Variants in MYL4 observed in about 807,000 individuals in gnomAD.
MYL4 encodes atrial myosin light chain 1.
Under a neutral mutation model 21.6 loss-of-function variants are expected in MYL4, and 16 were observed. The observed-to-expected ratio is 0.74, with a 90% CI of 0.50 to 1.12. MYL4 has a LOEUF of 1.12. Ranked by LOEUF, MYL4 falls within the 50% of genes most tolerant of loss-of-function variation. MYL4 has a pLI of 0.00. For synonymous variants in MYL4, 82 were observed against 95.7 expected (o/e 0.86, Z 0.83); for missense variants, 249 against 252.9 (o/e 0.98, Z 0.11).
chr17:47,215,450 T>C (rs1291626699), intron 2 of MYL4, among the ~76,000 whole-genome samples: 1 of 152,236 alleles, frequency 6.6e-6, no homozygotes, highest in Non-Finnish European at 1.5e-5. Context: ...TTGTTTTTCC[T>C]TTAATTTTAC....
intron 6 of MYL4, chr17:47,223,305 C>T (rs2064870403): frequency 4.0e-6 from 2 of 497,874 alleles, no homozygotes; most frequent in South Asian, 3.2e-5. Context: ...AGGCAATGCC[C>T]TTCCCTCAGG....
intron 4 of MYL4, 23 bp downstream of exon 4, chr17:47,221,878 A>G (rs2064859013): frequency 6.2e-7 from 1 of 1,605,804 alleles, no homozygotes; most frequent in Admixed American, 1.7e-5. Flanking sequence ...GGCAGAGATG[A>G]AGACCAAGTG....
intron 2 of MYL4, among the ~76,000 whole-genome samples, chr17:47,216,495 T>C (rs1347312562): frequency 1.3e-5 from 2 of 152,112 alleles, no homozygotes; most frequent in Non-Finnish European, 2.9e-5. Flanking sequence ...ATAAGTCATA[T>C]CTACATTGGC....
At chr17:47,216,778 T>TC (rs1245645511) in intron 2 of MYL4, among the ~76,000 whole-genome samples, 2 of 151,000 alleles carry the variant, frequency 1.3e-5, no homozygotes, top group Non-Finnish European at 2.9e-5. Context: ...CACCGCAACC[T>TC]CCGCCTCCCG....
chr17:47,221,612 C>T (rs2064856111), intron 3 of MYL4, 70 bp from the exon 4 acceptor site: 1 of 1,540,112 alleles, frequency 6.5e-7, no homozygotes, highest in Admixed American at 1.8e-5. Flanking sequence ...GTGAGGCCCC[C>T]TCTTGACCCT....
chr17:47,191,780 T>C, the MYL4 span, among the ~76,000 whole-genome samples: 3 of 152,198 alleles, frequency 2.0e-5, no homozygotes, highest in Admixed American at 6.5e-5. Flanking sequence ...GTATTTACAT[T>C]TTTTAGCAGT....
chr17:47,199,788 A>G (rs2064703240), upstream of MYL4, among the ~76,000 whole-genome samples: 1 of 145,614 alleles, frequency 6.9e-6, no homozygotes, highest in African/African-American at 2.6e-5. Context: ...CGCGCTGTAA[A>G]GCAGTGGCGC....
chr17:47,219,942 A>G lies in MYL4; in HGVS notation c.202A>G (p.Thr68Ala), dbSNP rs960586583. Residue 68 changes from threonine to alanine, a missense_variant, in exon 3 of 7, where the codon ACT becomes GCT. Physicochemically the swap from Thr to Ala is moderately conservative, Grantham distance 58 (BLOSUM62 0). Transcript: ENST00000393450. ...EAFSLFDRTP[T>A]GEMKITYGQC... ...CTTTTCATTGTTTGACCGGACCCCG[A>G]CTGGAGAGATGAAGATCACCTACGG... is the stretch of plus-strand genomic sequence containing the variant. 5 of 1,614,034 alleles carry G rather than the reference A, an allele frequency of 3.1e-6. No homozygotes were observed. Among genetic ancestry groups the G allele is most frequent in the Non-Finnish European group, 4.2e-6 (5 of 1,180,032 alleles).
At chr17:47,193,610 C>T in the MYL4 span, among the ~76,000 whole-genome samples, 4 of 152,158 alleles carry the variant, frequency 2.6e-5, no homozygotes, top group South Asian at 2.1e-4. Context: ...AGCTCCTCTG[C>T]CAGCCCCTTT....
intron 5 of MYL4, 29 bp from the exon 6 acceptor site, chr17:47,222,985 A>G (rs2064867922): frequency 1.9e-6 from 3 of 1,614,026 alleles, no homozygotes; most frequent in Non-Finnish European, 2.5e-6. Flanking sequence ...GCTGAGCCAC[A>G]TGGTGGCTGA....
chr17:47,202,968 TATAGAC>T (rs1156614930), intron 1 of MYL4, among the ~76,000 whole-genome samples: 1 of 152,204 alleles, frequency 6.6e-6, no homozygotes, highest in Non-Finnish European at 1.5e-5. Context: ...TTTATTTACT[TATAGAC>T]AGAGTCTCAT....
chr17:47,218,041 C>CAAAA (rs1200148257), intron 2 of MYL4, among the ~76,000 whole-genome samples: 2 of 61,906 alleles, frequency 3.2e-5, no homozygotes, highest in Admixed American at 1.8e-4. Flanking sequence ...AACTCCATCT[C>CAAAA]AAAAAAAAAA....
At chr17:47,192,408 A>G in the MYL4 span, among the ~76,000 whole-genome samples, 29 of 151,720 alleles carry the variant, frequency 1.9e-4, no homozygotes, top group African/African-American at 6.8e-4. Context: ...CCAGCACTTT[A>G]GGAGGCCAAG....
upstream of MYL4, among the ~76,000 whole-genome samples, chr17:47,204,591 G>A (rs545296582): frequency 6.6e-6 from 1 of 152,158 alleles, no homozygotes; most frequent in Non-Finnish European, 1.5e-5. Flanking sequence ...AAGTAGCCAG[G>A]TGTGGTAGGG....
At position 47,213,781 on chromosome 17, in the gene MYL4, C is replaced by A; in HGVS notation, c.136-18C>A. 6.2e-7 allele frequency: 1 copy of A among 1,613,994 alleles called. No individual in the cohort carries two copies. ...CTTTTAGCAATCCAAGCCCTCACTA[C>A]TATTTCCCTCCCTACAGATAGACTT... On this transcript the variant is annotated intron_variant, in intron 1 of 6. Coordinates refer to ENST00000393450, the MANE Select transcript of MYL4 (RefSeq NM_002476.2).
the MYL4 span, among the ~76,000 whole-genome samples, chr17:47,194,656 T>A: frequency 6.6e-6 from 1 of 151,970 alleles, no homozygotes; most frequent in Non-Finnish European, 1.5e-5. Flanking sequence ...CTCCCTGTCT[T>A]CCCCCACCCC....
In MYL4 at chr17:47,220,029, G is replaced by A. The variant is rs1266796710; in HGVS notation, c.289G>A (p.Val97Met). Reference sequence around the variant, plus strand: ...CCCTACCAATGCCGAGGTGCTGCGTGTGCTGGGCAAGCCCAAGCCTGAAGG... The same window carrying A: ...CCCTACCAATGCCGAGGTGCTGCGTATGCTGGGCAAGCCCAAGCCTGAAGG... The part of the protein sequence containing the change: ...QNPTNAEVLR[V>M]LGKPKPEEMN... The change falls in exon 3 of 7, where the codon GTG becomes ATG. Residue 97 changes from valine (V) to methionine (M), a missense_variant. Transcript: ENST00000393450. 1 of 1,613,946 alleles carries A rather than the reference G, an allele frequency of 6.2e-7. No homozygotes were observed. The highest frequency in any genetic ancestry group is 1.7e-5 in the Admixed American group (1 of 60,012).
At chr17:47,191,806 G>A in the MYL4 span, among the ~76,000 whole-genome samples, 1 of 152,120 alleles carries the variant, frequency 6.6e-6, no homozygotes, top group African/African-American at 2.4e-5. Flanking sequence ...GACACTGTTT[G>A]CTCATGCTAA....
upstream of MYL4, among the ~76,000 whole-genome samples, chr17:47,197,025 C>CT (rs11434844): frequency 0.012 from 1,759 of 145,844 alleles, 63 homozygotes; most frequent in Admixed American, 0.07. Flanking sequence ...AAACATGATG[C>CT]TTTTTTTTTG....
Sources: gnomAD v4.1 joint callset for allele counts (sites outside exome capture counted in the v4.1 genomes callset) on GRCh38, gnomAD v4.1.1 for gene constraint, MANE v1.5 for transcripts, NCBI Gene and HGNC (gene_info 2026-07-23, HGNC 2026-07-21) for gene names.